Variants in TFB2M observed in about 807,000 individuals in gnomAD.
TFB2M encodes the protein dimethyladenosine transferase 2, mitochondrial.
In TFB2M, 44 loss-of-function variants were observed where a neutral mutation model predicts 41.3. The observed-to-expected ratio is 1.07, with a 90% CI of 0.84 to 1.37. TFB2M has a LOEUF of 1.37. TFB2M is among the 40% of genes most tolerant of loss of function. TFB2M has a pLI of 0.00. For synonymous variants in TFB2M, 188 were observed against 176.8 expected (o/e 1.06, Z -0.50); for missense variants, 496 against 490.2 (o/e 1.01, Z -0.11).
In TFB2M at chr1:246,540,985, G is replaced by A. The variant is rs749912929; in HGVS notation, c.*46C>T. 2 of 1,560,640 alleles carry A rather than the reference G, an allele frequency of 1.3e-6. No homozygotes were observed. Among genetic ancestry groups the A allele is most frequent in the Non-Finnish European group, 8.7e-7 (1 of 1,154,950 alleles). On this transcript the variant is annotated 3_prime_UTR_variant, in exon 8 of 8. Coordinates refer to ENST00000366514, the MANE Select transcript of TFB2M (RefSeq NM_022366.3). ...TTTCAAATTTGGTTTTCATGTCATA[G>A]TTTCCAAATAAATGAACCGCTCCAC...
intron 2 of TFB2M, among the ~76,000 whole-genome samples, chr1:246,562,395 T>C (rs1272458584): frequency 1.3e-5 from 2 of 152,234 alleles, no homozygotes; most frequent in Admixed American, 1.3e-4. Flanking sequence ...GAAAAATCTA[T>C]TTGGATGATG....
chr1:246,552,560 T>C (rs1192205970), intron 4 of TFB2M, among the ~76,000 whole-genome samples: 1 of 151,362 alleles, frequency 6.6e-6, no homozygotes, highest in East Asian at 2.0e-4. Context: ...ACTACCTGGG[T>C]GTGGTGGTGT....
chr1:246,544,522 G>A lies in TFB2M; in HGVS notation c.1018C>T (p.Arg340Cys), dbSNP rs778528523. 6.3e-5 allele frequency: 100 copies of A among 1,592,736 alleles called. No homozygotes were observed. The highest frequency in any genetic ancestry group is 7.7e-5 in the Non-Finnish European group (91 of 1,174,466). Reference sequence around the variant, plus strand: ...CTTGCTTTTATTCTTTTTACTCACCGTAAGTGGTCTATTACAGTGGCGCTG... The same window carrying A: ...CTTGCTTTTATTCTTTTTACTCACCATAAGTGGTCTATTACAGTGGCGCTG... ...RRSATVIDHL[R>C]SLTPLDARDI... The change falls in exon 7 of 8, where the codon CGT (arginine) becomes TGT (cysteine). Residue 340 changes from arginine to cysteine, a missense_variant and splice_region_variant. Coordinates refer to ENST00000366514, the MANE Select transcript of TFB2M (RefSeq NM_022366.3).
intron 2 of TFB2M, among the ~76,000 whole-genome samples, chr1:246,560,094 C>T (rs1458297226): frequency 6.9e-6 from 1 of 145,214 alleles, no homozygotes; most frequent in African/African-American, 2.5e-5. Flanking sequence ...TATGCATGGA[C>T]TTTTTTTTTT....
intron 7 of TFB2M, among the ~76,000 whole-genome samples, chr1:246,543,112 T>C (rs910799216): frequency 6.6e-6 from 1 of 151,606 alleles, no homozygotes; most frequent in Non-Finnish European, 1.5e-5. Context: ...TCCTCCCACC[T>C]TGGCCTCACA....
chr1:246,545,077 A>G (rs977049027), intron 6 of TFB2M, among the ~76,000 whole-genome samples: 1 of 151,536 alleles, frequency 6.6e-6, no homozygotes, highest in Non-Finnish European at 1.5e-5. Context: ...AAGTGCTGGG[A>G]TTACAGGCGT....
intron 6 of TFB2M, among the ~76,000 whole-genome samples, chr1:246,547,369 T>G (rs771323664): frequency 3.9e-5 from 6 of 152,256 alleles, no homozygotes; most frequent in Non-Finnish European, 8.8e-5. Context: ...TACAGGATTG[T>G]TCATTTGTGG....
At chr1:246,546,974 C>CAT (rs761506911) in intron 6 of TFB2M, among the ~76,000 whole-genome samples, 2,501 of 123,590 alleles carry the variant, frequency 0.02, 65 homozygotes, top group Middle Eastern at 0.042. Context: ...TATACACACA[C>CAT]ACACACACAT....
intron 7 of TFB2M, among the ~76,000 whole-genome samples, chr1:246,543,332 A>T (rs950147391): frequency 1.3e-5 from 2 of 152,206 alleles, no homozygotes; most frequent in Non-Finnish European, 2.9e-5. Flanking sequence ...CATAATGCAC[A>T]ACTTACAGGG....
chr1:246,544,495 T>C (rs1658944634), intron 7 of TFB2M, 26 bp downstream of exon 7: 1 of 1,568,342 alleles, frequency 6.4e-7, no homozygotes, highest in Non-Finnish European at 8.6e-7. Flanking sequence ...TGCTACTTTA[T>C]ACTTGCTTTT....
At chr1:246,562,565 G>GT (rs1330725989) in intron 2 of TFB2M, among the ~76,000 whole-genome samples, 1 of 152,108 alleles carries the variant, frequency 6.6e-6, no homozygotes, top group Non-Finnish European at 1.5e-5. Flanking sequence ...TGAAAATGCA[G>GT]GTATACAACA....
At chr1:246,545,293 G>A (rs909825292) in intron 6 of TFB2M, among the ~76,000 whole-genome samples, 2 of 152,076 alleles carry the variant, frequency 1.3e-5, no homozygotes, top group African/African-American at 4.8e-5. Flanking sequence ...CACTTTGGGA[G>A]GCCAAGGCGT....
chr1:246,560,785 C>T (rs538352965), intron 2 of TFB2M, among the ~76,000 whole-genome samples: 2 of 152,278 alleles, frequency 1.3e-5, no homozygotes, highest in East Asian at 3.9e-4. Flanking sequence ...TGAGTTTTTA[C>T]TAGTCATTAA....
intron 4 of TFB2M, 80 bp downstream of exon 4, chr1:246,556,493 A>G: frequency 9.2e-7 from 1 of 1,088,766 alleles, no homozygotes; most frequent in South Asian, 2.2e-5. Context: ...CGAGCCCTAA[A>G]TTAAAATCGC....
At chr1:246,546,985 T>TCACACACACACACACACACACAC (rs1558509715) in intron 6 of TFB2M, among the ~76,000 whole-genome samples, 1 of 64,568 alleles carries the variant, frequency 1.5e-5, no homozygotes, top group African/African-American at 9.5e-5. Flanking sequence ...ACACACACAT[T>TCACACACACACACACACACACAC]TTTTTTTTTT....
At chr1:246,553,639 G>T (rs1022070557) in intron 4 of TFB2M, among the ~76,000 whole-genome samples, 22 of 134,406 alleles carry the variant, frequency 1.6e-4, no homozygotes, top group Middle Eastern at 3.6e-3. Context: ...CTGCACTCCA[G>T]CCTGGGCGAC....
At chr1:246,558,163 T>TA (rs1659372527) in intron 2 of TFB2M, among the ~76,000 whole-genome samples, 1 of 150,646 alleles carries the variant, frequency 6.6e-6, no homozygotes, top group Non-Finnish European at 1.5e-5. Flanking sequence ...TTTACTTTTT[T>TA]TTTTTTTTTG....
In TFB2M at chr1:246,552,867, T is replaced by A. The variant is rs567354299; in HGVS notation, c.706-1565A>T. Among the ~76,000 whole-genome samples, 8 of 151,656 alleles carry A rather than the reference T, an allele frequency of 5.3e-5. No homozygotes were observed. The East Asian group carries it at 9.7e-4, about 18-fold the overall frequency. On this transcript the variant is annotated intron_variant, in intron 4 of 7. Coordinates refer to ENST00000366514, the MANE Select transcript of TFB2M (RefSeq NM_022366.3). Reference sequence around the variant, plus strand: ...GGGAGGAGGATCACTTAAGCCCAGGTGTTTGAGACCAGCCTGGGCAACAAA... The same window carrying A: ...GGGAGGAGGATCACTTAAGCCCAGGAGTTTGAGACCAGCCTGGGCAACAAA...
At position 246,566,028 on chromosome 1, in the gene TFB2M, C is replaced by T. The variant is rs1429407951; in HGVS notation, c.111G>A (p.Pro37=). 1.2e-6 allele frequency: 2 copies of T among 1,614,162 alleles called. No individual in the cohort carries two copies. Among genetic ancestry groups the T allele is most frequent in the Non-Finnish European group, 1.7e-6 (2 of 1,180,026 alleles). The part of the protein sequence containing the change: ...GSEAATRKHL[P]ARNHCGLSDS... ...CAGAGAGCCCACAGTGGTTCCTCGCCGGCAAATGCTTTCGCGTCGCCGCTT... is the reference window on the plus strand; with the variant it reads ...CAGAGAGCCCACAGTGGTTCCTCGCTGGCAAATGCTTTCGCGTCGCCGCTT... Residue 37 remains proline (P), a synonymous_variant, in exon 1 of 8, where the codon CCG becomes CCA. Coordinates refer to ENST00000366514, the MANE Select transcript of TFB2M (RefSeq NM_022366.3).
Sources: allele counts gnomAD v4.1 joint callset (sites outside exome capture counted in the v4.1 genomes callset), GRCh38; gene constraint gnomAD v4.1.1; transcripts MANE v1.5; gene names NCBI Gene and HGNC (gene_info 2026-07-23, HGNC 2026-07-21).